The following ZFAT variants were observed in gnomAD, a reference collection of about 807,000 sequenced individuals.
ZFAT encodes zinc finger and AT-hook domain containing, also known as zinc finger protein ZFAT.
A neutral mutation model predicts 117.7 loss-of-function variants in ZFAT; 64 were observed. The ratio of observed to expected loss-of-function variants is 0.54; its 90% CI spans 0.44 to 0.67. ZFAT has a LOEUF of 0.67. ZFAT is among the 30% of genes least tolerant of loss of function. The pLI, the probability that ZFAT is intolerant of heterozygous loss-of-function variation, is 0.00. For missense variants in ZFAT, 1,433 were observed against 1,584.5 expected (o/e 0.90, Z 1.62); for synonymous variants, 679 against 615.0 (o/e 1.10, Z -1.54).
intron 15 of ZFAT, among the ~76,000 whole-genome samples, chr8:134,479,805 G>T (rs1817165624): frequency 6.6e-6 from 1 of 152,098 alleles, no homozygotes; most frequent in African/African-American, 2.4e-5. Context: ...AGACACTTTT[G>T]CCCACAACCT....
At chr8:134,624,089 G>A (rs998727947) in intron 3 of ZFAT, among the ~76,000 whole-genome samples, 2 of 151,836 alleles carry the variant, frequency 1.3e-5, no homozygotes, top group African/African-American at 4.8e-5. Context: ...GTAGGCGCTC[G>A]GTGCCTCTGA....
At chr8:134,650,860 A>G (rs930101418) in intron 2 of ZFAT, among the ~76,000 whole-genome samples, 1 of 152,220 alleles carries the variant, frequency 6.6e-6, no homozygotes, top group African/African-American at 2.4e-5. Flanking sequence ...CCACATGTAA[A>G]AGAACAAATT....
the ZFAT span, among the ~76,000 whole-genome samples, chr8:134,762,163 C>A: frequency 6.6e-6 from 1 of 152,162 alleles, no homozygotes; most frequent in African/African-American, 2.4e-5. Context: ...GACATATGCT[C>A]CACCCTCTCT....
chr8:134,827,286 C>G, the ZFAT span, among the ~76,000 whole-genome samples: 2 of 152,074 alleles, frequency 1.3e-5, no homozygotes, highest in East Asian at 3.9e-4. Flanking sequence ...CTCAGGCAAT[C>G]TGCCCATCTC....
chr8:134,816,181 T>C, the ZFAT span, among the ~76,000 whole-genome samples: 1 of 152,186 alleles, frequency 6.6e-6, no homozygotes, highest in South Asian at 2.1e-4. Context: ...TTACTCTACT[T>C]TACAGATGAG....
intron 10 of ZFAT, among the ~76,000 whole-genome samples, chr8:134,571,959 G>A (rs1824945542): frequency 6.6e-6 from 1 of 152,186 alleles, no homozygotes; most frequent in Non-Finnish European, 1.5e-5. Flanking sequence ...TCCCGCTCCT[G>A]GAAATGTGTC....
chr8:134,602,658 T>C lies in ZFAT; in HGVS notation c.1061A>G (p.Gln354Arg), dbSNP rs1396855007. The change falls in exon 6 of 16, where the codon CAG becomes CGG. Residue 354 changes from glutamine to arginine, a missense_variant. Gln to Arg is a conservative substitution (Grantham distance 43). Around this residue, in one of 5 missense-constraint regions of ZFAT, gnomAD observed 436 missense variants for 482.0 expected, o/e 0.90. Coordinates refer to ENST00000377838, the MANE Select transcript of ZFAT (RefSeq NM_020863.4). ...HIERVHKKIK[Q>R]HCRFCKKKYS... Reference sequence around the variant, plus strand: ...CTTCTTCTTGCAGAAGCGGCAGTGCTGCTTGATCTTCTTGTGCACTCGCTC... The same window carrying C: ...CTTCTTCTTGCAGAAGCGGCAGTGCCGCTTGATCTTCTTGTGCACTCGCTC... 2 of 1,614,238 alleles carry C rather than the reference T, an allele frequency of 1.2e-6. No homozygotes were observed. The highest frequency in any genetic ancestry group is 8.5e-7 in the Non-Finnish European group (1 of 1,180,042).
chr8:134,649,165 T>TCTCACACACACACACACA lies in ZFAT; in HGVS notation c.196+8395_196+8396insTGTGTGTGTGTGTGTGAG, dbSNP rs1554614264. On this transcript the variant is annotated intron_variant, in intron 2 of 15. Transcript: ENST00000377838. Reference sequence around the variant, plus strand: ...TAACCTAATGAAGAACATCTATCTCTCACACACACACACACACACACACAC... The same window carrying TCTCACACACACACACACA: ...TAACCTAATGAAGAACATCTATCTCTCTCACACACACACACACACACACACACACACACACACACACAC... 1.1e-3 allele frequency among the ~76,000 whole-genome samples: 85 copies of TCTCACACACACACACACA among 77,052 alleles called. 2 individuals carry two copies. Among genetic ancestry groups the TCTCACACACACACACACA allele is most frequent in the African/African-American group, 3.4e-3 (85 of 25,004 alleles). The allele number at this position is 77,052 out of a possible 152,430, so 50.5% of individuals were successfully genotyped here.
At chr8:134,625,006 G>C (rs552559687) in intron 3 of ZFAT, among the ~76,000 whole-genome samples, 29 of 152,208 alleles carry the variant, frequency 1.9e-4, no homozygotes, top group Non-Finnish European at 3.8e-4. Context: ...CAGAACAGCA[G>C]ACTGATAAGG....
chr8:134,603,101 G>C (rs1482597254), intron 5 of ZFAT, among the ~76,000 whole-genome samples, 168 bp from the exon 6 acceptor site: 1 of 152,190 alleles, frequency 6.6e-6, no homozygotes, highest in East Asian at 1.9e-4. Flanking sequence ...GGGCTCGTGT[G>C]TGCCATGGTC....
chr8:134,604,800 T>G (rs1247584586), intron 5 of ZFAT, among the ~76,000 whole-genome samples: 1 of 152,220 alleles, frequency 6.6e-6, no homozygotes, highest in Non-Finnish European at 1.5e-5. Flanking sequence ...ATTTGGAAGT[T>G]ACTAGTATGC....
the ZFAT span, among the ~76,000 whole-genome samples, chr8:134,722,040 C>A: frequency 6.6e-6 from 1 of 152,240 alleles, no homozygotes; most frequent in South Asian, 2.1e-4. Context: ...AAAGTGTGCT[C>A]CAAAGAGGCA....
At chr8:134,814,431 T>TG in the ZFAT span, among the ~76,000 whole-genome samples, 1 of 152,218 alleles carries the variant, frequency 6.6e-6, no homozygotes, top group East Asian at 1.9e-4. Context: ...CTATTTAAAA[T>TG]AAGACATGCT....
the ZFAT span, chr8:134,797,620 GCTCAACAGGTTCTA>G: frequency 2.0e-5 from 3 of 152,132 alleles, no homozygotes; most frequent in African/African-American, 7.2e-5. Context: ...AAGTTAAGTA[GCTCAACAGGTTCTA>G]CTGCTAAGAT....
At chr8:134,516,119 T>C (rs1056001558) in intron 13 of ZFAT, among the ~76,000 whole-genome samples, 3 of 152,208 alleles carry the variant, frequency 2.0e-5, no homozygotes, top group Non-Finnish European at 4.4e-5. Flanking sequence ...CCTTGTAGTT[T>C]ATTTGTTGAA....
intron 7 of ZFAT, among the ~76,000 whole-genome samples, chr8:134,590,899 G>C (rs891218132): frequency 1.3e-5 from 2 of 152,140 alleles, no homozygotes; most frequent in African/African-American, 4.8e-5. Flanking sequence ...ATCAAAACCA[G>C]ACAAAGTACA....
At chr8:134,654,491 AG>A (rs751224736) in intron 2 of ZFAT, among the ~76,000 whole-genome samples, 25 of 152,172 alleles carry the variant, frequency 1.6e-4, no homozygotes, top group Non-Finnish European at 3.1e-4. Context: ...AGGGGCCTAG[AG>A]GACCTCCAGC....
chr8:134,560,539 T>A (rs572668785), intron 11 of ZFAT, among the ~76,000 whole-genome samples: 1 of 152,110 alleles, frequency 6.6e-6, no homozygotes, highest in Non-Finnish European at 1.5e-5. Context: ...ATCAACAGAG[T>A]TAGGGGTCCA....
chr8:134,496,427 C>T (rs993398148), intron 15 of ZFAT, among the ~76,000 whole-genome samples: 21 of 152,292 alleles, frequency 1.4e-4, no homozygotes, highest in East Asian at 7.7e-4. Flanking sequence ...AGAGATAACC[C>T]GTTGTGCTGT....
Sources: allele counts gnomAD v4.1 joint callset (sites outside exome capture counted in the v4.1 genomes callset), GRCh38; gene constraint gnomAD v4.1.1; regional missense constraint gnomAD v4.1.1; transcripts MANE v1.5; gene names NCBI Gene and HGNC (gene_info 2026-07-23, HGNC 2026-07-21).